The following GRK5 variants were observed in gnomAD, a reference collection of about 807,000 sequenced individuals.
GRK5 encodes g protein-coupled receptor kinase GRK5.
In GRK5, 40 loss-of-function variants were observed where a neutral mutation model predicts 78.4. The observed-to-expected ratio is 0.51, with a 90% CI of 0.40 to 0.66. The LOEUF (loss-of-function observed/expected upper bound fraction) is 0.66. Among genes scored for constraint, GRK5 ranks in the 30% least tolerant of loss-of-function variants. GRK5 has a pLI of 0.00. For missense variants in GRK5, 598 were observed against 759.9 expected (o/e 0.79, Z 2.50); for synonymous variants, 289 against 296.8 (o/e 0.97, Z 0.27).
chr10:119,363,809 G>A (rs1851401803), intron 2 of GRK5, among the ~76,000 whole-genome samples: 1 of 152,194 alleles, frequency 6.6e-6, no homozygotes, highest in African/African-American at 2.4e-5. Context: ...TGGTCACCTA[G>A]CCACCCCTAG....
chr10:119,283,796 G>A (rs1369629804), intron 1 of GRK5, among the ~76,000 whole-genome samples: 2 of 152,244 alleles, frequency 1.3e-5, no homozygotes, highest in African/African-American at 2.4e-5. Context: ...AAGCTGAGAC[G>A]TGAGCCTGGC....
rs916810934 is a variant in GRK5, at chr10:119,305,688, G to A, written c.53-20828G>A. On this transcript the variant is annotated intron_variant, in intron 1 of 15. Transcript: ENST00000392870. Reference sequence around the variant, plus strand: ...TAAAGTGCCACTCCCCGGGAGACACGTGTAAGTGCCCAGAGCAACGTCATT... The same window carrying A: ...TAAAGTGCCACTCCCCGGGAGACACATGTAAGTGCCCAGAGCAACGTCATT... 9.2e-5 allele frequency among the ~76,000 whole-genome samples: 14 copies of A among 152,196 alleles called. 1 individual carries two copies. The highest frequency in any genetic ancestry group is 3.3e-4 in the Admixed American group (5 of 15,286).
intron 4 of GRK5, among the ~76,000 whole-genome samples, chr10:119,407,828 T>C (rs1377486266): frequency 1.3e-5 from 2 of 151,976 alleles, no homozygotes; most frequent in African/African-American, 4.8e-5. Context: ...GTTTGAGACC[T>C]ACCTGGGCAA....
intron 1 of GRK5, among the ~76,000 whole-genome samples, chr10:119,229,488 C>T (rs1027274029): frequency 1.3e-5 from 2 of 152,082 alleles, no homozygotes; most frequent in African/African-American, 4.8e-5. Flanking sequence ...AACTAATGAG[C>T]AGGGAGGGGT....
At chr10:119,284,065 G>C (rs1760638458) in intron 1 of GRK5, among the ~76,000 whole-genome samples, 5 of 152,126 alleles carry the variant, frequency 3.3e-5, no homozygotes. Context: ...GTACAGGTAG[G>C]AAATGAAACC....
At chr10:119,370,270 G>A (rs756768081) in intron 2 of GRK5, among the ~76,000 whole-genome samples, 1 of 152,132 alleles carries the variant, frequency 6.6e-6, no homozygotes, top group Non-Finnish European at 1.5e-5. Context: ...GGCAGCCCAG[G>A]CCCAGACACC....
At chr10:119,404,106 C>G (rs1014165755) in intron 4 of GRK5, among the ~76,000 whole-genome samples, 2 of 152,196 alleles carry the variant, frequency 1.3e-5, no homozygotes, top group Admixed American at 1.3e-4. Context: ...CTGGGCTGTT[C>G]TTCAAAGCAC....
chr10:119,262,082 C>T (rs1849417147), intron 1 of GRK5, among the ~76,000 whole-genome samples: 1 of 152,222 alleles, frequency 6.6e-6, no homozygotes, highest in South Asian at 2.1e-4. Flanking sequence ...CACTTTCATT[C>T]TGTACATTTA....
At chr10:119,353,932 C>CTTTTTTTTTT (rs761463283) in intron 2 of GRK5, among the ~76,000 whole-genome samples, 1 of 108,734 alleles carries the variant, frequency 9.2e-6, no homozygotes, top group Non-Finnish European at 1.8e-5. Flanking sequence ...TTTTTTCTTT[C>CTTTTTTTTTT]TTTTTTTTTT....
intron 1 of GRK5, among the ~76,000 whole-genome samples, chr10:119,309,143 C>T (rs572730529): frequency 1.3e-5 from 2 of 152,312 alleles, no homozygotes; most frequent in African/African-American, 4.8e-5. Flanking sequence ...AGAGAGGGTT[C>T]AGCCCAAGGG....
chr10:119,429,816 C>A (rs1338368253), intron 6 of GRK5, among the ~76,000 whole-genome samples: 1 of 152,120 alleles, frequency 6.6e-6, no homozygotes, highest in African/African-American at 2.4e-5. Context: ...GCCTCTGCCC[C>A]CTCCTGAGGC....
chr10:119,327,349 C>T (rs1213922275), intron 2 of GRK5, among the ~76,000 whole-genome samples: 1 of 152,202 alleles, frequency 6.6e-6, no homozygotes, highest in Non-Finnish European at 1.5e-5. Flanking sequence ...AGGCCCCACT[C>T]CAGAGTGTTT....
At chr10:119,398,312 G>T (rs560603314) in intron 4 of GRK5, among the ~76,000 whole-genome samples, 20 of 152,216 alleles carry the variant, frequency 1.3e-4, no homozygotes, top group African/African-American at 2.2e-4. Context: ...TTAAAGGGGT[G>T]CATGCACCCT....
At chr10:119,299,883 T>C (rs1279971187) in intron 1 of GRK5, among the ~76,000 whole-genome samples, 1 of 152,174 alleles carries the variant, frequency 6.6e-6, no homozygotes, top group Non-Finnish European at 1.5e-5. Context: ...TACATATGTA[T>C]ACATGTGCCA....
Position 119,207,906 on chromosome 10 carries a change from C to T in GRK5, c.-12C>T. 1.3e-6 allele frequency: 2 copies of T among 1,596,906 alleles called. No individual in the cohort carries two copies. Among genetic ancestry groups the T allele is most frequent in the East Asian group, 4.6e-5 (2 of 43,204 alleles). On this transcript the variant is annotated 5_prime_UTR_variant, in exon 1 of 16. Coordinates refer to ENST00000392870, the MANE Select transcript of GRK5 (RefSeq NM_005308.3). The stretch of plus-strand genomic sequence containing the variant: ...CCCGCCGGCCGGCTCCGTTGCTGAC[C>T]GCCGACTGTCAATGGAGCTGGAAAA...
chr10:119,217,026 G>A lies in GRK5; in HGVS notation c.52+9057G>A, dbSNP rs966147076. The stretch of plus-strand genomic sequence containing the variant: ...GTGGACTTTTGGGGAGCAATTGCAA[G>A]TGGATCTCCCCTATCCTCCAAAGTG... On this transcript the variant is annotated intron_variant, in intron 1 of 15. Coordinates refer to ENST00000392870, the MANE Select transcript of GRK5 (RefSeq NM_005308.3). This position sits in a 1 kb window ranked among gnomAD's most constrained non-coding sequence, Gnocchi z 4.1. Among the ~76,000 whole-genome samples, 2 of 152,212 alleles carry A rather than the reference G, an allele frequency of 1.3e-5. No individual in the cohort carries two copies. Among genetic ancestry groups the A allele is most frequent in the Non-Finnish European group, 2.9e-5 (2 of 68,034 alleles).
intron 1 of GRK5, among the ~76,000 whole-genome samples, chr10:119,285,437 CCAGA>C (rs1326461930): frequency 3.3e-5 from 5 of 152,136 alleles, no homozygotes; most frequent in African/African-American, 1.2e-4. Flanking sequence ...CAGCCCTGGC[CCAGA>C]CAGTTTCTGA....
chr10:119,338,107 G>A lies in GRK5; in HGVS notation c.148+11496G>A, dbSNP rs553366764. On this transcript the variant is annotated intron_variant, in intron 2 of 15. Coordinates refer to ENST00000392870, the MANE Select transcript of GRK5 (RefSeq NM_005308.3). ...CCAGTTGAACCCATAACATATTCAC[G>A]TGCTCATGTGGTCTGGTGGAGTTAA... is the stretch of plus-strand genomic sequence containing the variant. Among the ~76,000 whole-genome samples the A allele has an allele frequency of 2.2e-4, 34 of 152,262 alleles. No individual in the cohort carries two copies. The Middle Eastern group carries it at 0.01, about 46-fold the overall frequency.
Position 119,431,534 on chromosome 10 carries a change from G to A in GRK5, c.738+7G>A. ...GGTCAACAGTCAGTTTGTGGTGAGT[G>A]AGCATCTGGGCCCAGTGACCGGCTC... On this transcript the variant is annotated splice_region_variant and intron_variant, in intron 8 of 15. Transcript: ENST00000392870. The surrounding 1 kb of genome is among the most constrained non-coding windows in gnomAD (Gnocchi z 4.8). 3 of 1,611,670 alleles carry A rather than the reference G, an allele frequency of 1.9e-6. No individual in the cohort carries two copies. Among genetic ancestry groups the A allele is most frequent in the Non-Finnish European group, 1.7e-6 (2 of 1,178,796 alleles).
Sources: gnomAD v4.1 joint callset for allele counts (sites outside exome capture counted in the v4.1 genomes callset) on GRCh38, gnomAD v4.1.1 for gene constraint, Gnocchi (gnomAD v3.1) non-coding constraint, MANE v1.5 for transcripts, NCBI Gene and HGNC (gene_info 2026-07-23, HGNC 2026-07-21) for gene names.